The following DMAC1 variants were observed in gnomAD, a reference collection of about 807,000 sequenced individuals.
DMAC1 encodes the protein distal membrane arm assembly component 1, also known as distal membrane-arm assembly complex protein 1.
DMAC1 carries 10 observed loss-of-function variants against 7.0 expected under a neutral mutation model. The ratio of observed to expected loss-of-function variants is 1.43; its 90% CI spans 0.88 to 2.43. The LOEUF is 2.43. Ranked by LOEUF, DMAC1 falls within the 30% of genes most tolerant of loss-of-function variation. DMAC1 has a pLI of 0.00. For missense variants in DMAC1, 219 were observed against 158.7 expected, an observed-to-expected ratio of 1.38 and a Z score of -2.04; for synonymous variants, 92 against 66.2, an observed-to-expected ratio of 1.39 and a Z score of -1.90.
rs747182250 is a variant in DMAC1 at position 7,799,746 on chromosome 9, C to A, written c.-12G>T. 4.7e-5 allele frequency: 71 copies of A among 1,508,330 alleles called. No homozygotes were observed. In the East Asian group the frequency reaches 1.5e-3, roughly 33 times the overall value. 93.4% of individuals were successfully genotyped at this position (1,508,330 alleles called of 1,614,324 possible). On this transcript the variant is annotated 5_prime_UTR_variant, in exon 1 of 2. Coordinates refer to ENST00000358227, the MANE Select transcript of DMAC1 (RefSeq NM_033428.3). Reference sequence around the variant, plus strand: ...AACCGAGACCCCATGCTCTGGAACTCGGCCTCAACCTTGGGCGTCTTTGGT... The same window carrying A: ...AACCGAGACCCCATGCTCTGGAACTAGGCCTCAACCTTGGGCGTCTTTGGT...
Position 7,799,704 on chromosome 9 carries a change from A to T in DMAC1, c.31T>A (p.Ser11Thr), listed in dbSNP as rs748387426. The T allele has an allele frequency of 1.3e-6, 2 of 1,572,458 alleles. No homozygotes were observed. Among genetic ancestry groups the T allele is most frequent in the Non-Finnish European group, 1.7e-6 (2 of 1,163,166 alleles). The change falls in exon 1 of 2, where the codon TCC becomes ACC. Residue 11 changes from serine to threonine, a missense_variant. Transcript: ENST00000358227. ...GTACCGGGAGGCGCAGTGATATAGG[A>T]CTCAAAAGGCTGGGACAACCGAGAC... The part of the protein sequence containing the change: MGSRLSQPFE[S>T]YITAPPGTAA...
Position 7,796,734 on chromosome 9 carries a change from G to A in DMAC1, c.*1839C>T, listed in dbSNP as rs1586896026. 6.6e-6 allele frequency: 1 copy of A among 152,260 alleles called. No homozygotes were observed. The highest frequency in any genetic ancestry group is 2.1e-4 in the South Asian group (1 of 4,822). The allele number at this position is 152,260 out of a possible 1,614,324, so 9.4% of individuals were successfully genotyped here. A position where few individuals can be genotyped will look rare whatever the true frequency, so the allele number is the denominator to read the frequency against. On this transcript the variant is annotated 3_prime_UTR_variant, in exon 2 of 2. Coordinates refer to ENST00000358227, the MANE Select transcript of DMAC1 (RefSeq NM_033428.3). ...AGATGAGGATGAAGACCTTTAGGAT[G>A]ATTCACTTCTACCTAACGAATAGTG...
Position 7,799,762 on chromosome 9 carries a change from C to A in DMAC1, c.-28G>T. 6.7e-7 allele frequency: 1 copy of A among 1,499,886 alleles called. No homozygotes were observed. The highest frequency in any genetic ancestry group is 8.8e-7 in the Non-Finnish European group (1 of 1,130,424). The allele number at this position is 1,499,886 out of a possible 1,614,324, so 92.9% of individuals were successfully genotyped here. A position where few individuals can be genotyped will look rare whatever the true frequency, so the allele number is the denominator to read the frequency against. ...TCTGGAACTCGGCCTCAACCTTGGG[C>A]GTCTTTGGTTCAAACTGGCGTAAAC... On this transcript the variant is annotated 5_prime_UTR_variant, in exon 1 of 2. Coordinates refer to ENST00000358227, the MANE Select transcript of DMAC1 (RefSeq NM_033428.3).
At position 7,799,667 on chromosome 9, in the gene DMAC1, G is replaced by A. The variant is rs1586898965; in HGVS notation, c.68C>T (p.Pro23Leu). Residue 23 changes from proline (P) to leucine (L), a missense_variant, in exon 1 of 2, where the codon CCC becomes CTC. By Grantham distance (98) the Pro-to-Leu change is moderately conservative (BLOSUM62 -3). Coordinates refer to ENST00000358227, the MANE Select transcript of DMAC1 (RefSeq NM_033428.3). ...TGTAGCTGGGGGCGCAGGTTTGGCG[G>A]GCGCGGCGGCGGTACCGGGAGGCGC... Reference protein sequence around the residue: ...ITAPPGTAAAPAKPAPPATPG... With the variant: ...ITAPPGTAAALAKPAPPATPG... 2 of 1,607,264 alleles carry A rather than the reference G, an allele frequency of 1.2e-6. No homozygotes were observed. The highest frequency in any genetic ancestry group is 1.7e-6 in the Non-Finnish European group (2 of 1,178,024).
Position 7,797,651 on chromosome 9 carries a change from A to T in DMAC1, c.*922T>A, listed in dbSNP as rs1040033010. 6.6e-6 allele frequency: 1 copy of T among 152,242 alleles called. No homozygotes were observed. Among genetic ancestry groups the T allele is most frequent in the African/African-American group, 2.4e-5 (1 of 41,470 alleles). 9.4% of individuals were successfully genotyped at this position (152,242 alleles called of 1,614,324 possible). A position where few individuals can be genotyped will look rare whatever the true frequency, so the allele number is the denominator to read the frequency against. ...ATGTAATTTTGAGTACTTATCTCAA[A>T]ATCATCACAGAAACATATCTAGTGC... On this transcript the variant is annotated 3_prime_UTR_variant, in exon 2 of 2. Transcript: ENST00000358227.
In DMAC1 at chr9:7,798,555, G is replaced by A; in HGVS notation, c.*18C>T. 1.2e-6 allele frequency: 2 copies of A among 1,613,780 alleles called. No individual in the cohort carries two copies. Among genetic ancestry groups the A allele is most frequent in the Non-Finnish European group, 1.7e-6 (2 of 1,179,680 alleles). The stretch of plus-strand genomic sequence containing the variant: ...GGGAAAGGGACAGAGACAGAAGACA[G>A]ATTCACTGGTGGTACTTTCAAACAA... On this transcript the variant is annotated 3_prime_UTR_variant, in exon 2 of 2. Transcript: ENST00000358227.
Position 7,799,544 on chromosome 9 carries a change from T to C in DMAC1, c.191A>G (p.Tyr64Cys). The change falls in exon 1 of 2, where the codon TAC becomes TGC. Residue 64 changes from tyrosine (Y) to cysteine (C), a missense_variant. Tyr to Cys is a radical substitution (Grantham distance 194, BLOSUM62 -2). Transcript: ENST00000358227. ...GGGCTTCCGTGCCACCCAGTACACG[T>C]ACCCGCCCGCCCCCATCAGCCCCAA... ...SGLGLMGAGG[Y>C]VYWVARKPMK... 6.2e-7 allele frequency: 1 copy of C among 1,613,696 alleles called. No homozygotes were observed. The highest frequency in any genetic ancestry group is 8.5e-7 in the Non-Finnish European group (1 of 1,180,004).
At position 7,799,597 on chromosome 9, in the gene DMAC1, G is replaced by A. The variant is rs1345896951; in HGVS notation, c.138C>T (p.Thr46=). 1.2e-6 allele frequency: 2 copies of A among 1,613,638 alleles called. No homozygotes were observed. The highest frequency in any genetic ancestry group is 1.7e-6 in the Non-Finnish European group (2 of 1,179,996). ...TSPAEHRLLK[T]CWSCRVLSGL... Reference sequence around the variant, plus strand: ...CAGAAAGCACGCGACAGCTCCAGCAGGTCTTCAACAGGCGGTGTTCTGCTG... The same window carrying A: ...CAGAAAGCACGCGACAGCTCCAGCAAGTCTTCAACAGGCGGTGTTCTGCTG... The change falls in exon 1 of 2, where the codon ACC becomes ACT. Residue 46 remains threonine (T), a synonymous_variant. Transcript: ENST00000358227.
rs1189015243 is a variant in DMAC1 at position 7,799,670 on chromosome 9, G to A, written c.65C>T (p.Ala22Val). ...YITAPPGTAAAPAKPAPPATP... is the reference protein window; with the variant it reads ...YITAPPGTAAVPAKPAPPATP... ...AGCTGGGGGCGCAGGTTTGGCGGGC[G>A]CGGCGGCGGTACCGGGAGGCGCAGT... The change falls in exon 1 of 2, where the codon GCG becomes GTG. Residue 22 changes from alanine to valine, a missense_variant. Physicochemically the swap from Ala to Val is moderately conservative, Grantham distance 64. Coordinates refer to ENST00000358227, the MANE Select transcript of DMAC1 (RefSeq NM_033428.3). 1 of 1,606,880 alleles carries A rather than the reference G, an allele frequency of 6.2e-7. No homozygotes were observed. The highest frequency in any genetic ancestry group is 2.2e-5 in the East Asian group (1 of 44,822).
chr9:7,798,589 G>A lies in DMAC1; in HGVS notation c.323C>T (p.Ala108Val), dbSNP rs748659187. The A allele has an allele frequency of 1.2e-6, 2 of 1,612,276 alleles. No individual in the cohort carries two copies. The highest frequency in any genetic ancestry group is 1.1e-5 in the South Asian group (1 of 90,890). The change falls in exon 2 of 2, where the codon GCC becomes GTC. Residue 108 changes from alanine to valine, a missense_variant. Coordinates refer to ENST00000358227, the MANE Select transcript of DMAC1 (RefSeq NM_033428.3). ...GTGGTACTTTCAAACAACGCGGTAG[G>A]CCTTCCCTTTGGGGTCTGCCATGAC... is the stretch of plus-strand genomic sequence containing the variant. The part of the protein sequence containing the change: ...IVVMADPKGK[A>V]YRVV
chr9:7,799,639 G>A lies in DMAC1; in HGVS notation c.96C>T (p.Pro32=), dbSNP rs1408271543. 3.7e-6 allele frequency: 6 copies of A among 1,612,400 alleles called. No individual in the cohort carries two copies. Among genetic ancestry groups the A allele is most frequent in the South Asian group, 1.1e-5 (1 of 90,958 alleles). The change falls in exon 1 of 2, where the codon CCC becomes CCT. Residue 32 remains proline, a synonymous_variant. Coordinates refer to ENST00000358227, the MANE Select transcript of DMAC1 (RefSeq NM_033428.3). ...APAKPAPPAT[P]GAPTSPAEHR... is the part of the protein sequence containing the mutation. ...GTTCTGCTGGGGAGGTCGGCGCTCC[G>A]GGTGTAGCTGGGGGCGCAGGTTTGG...
In DMAC1 at chr9:7,797,242, C is replaced by T. The variant is rs1446947182; in HGVS notation, c.*1331G>A. 6.6e-6 allele frequency: 1 copy of T among 152,192 alleles called. No individual in the cohort carries two copies. Among genetic ancestry groups the T allele is most frequent in the Non-Finnish European group, 1.5e-5 (1 of 68,038 alleles). 9.4% of individuals were successfully genotyped at this position (152,192 alleles called of 1,614,324 possible). ...AACTTAAAACTTCTCTATTCATGAA[C>T]ATAGCATAACTGAGCTATGGATTTC... On this transcript the variant is annotated 3_prime_UTR_variant, in exon 2 of 2. Transcript: ENST00000358227.
intron 1 of DMAC1, among the ~76,000 whole-genome samples, chr9:7,799,244 G>A (rs1029946557): frequency 6.6e-5 from 10 of 151,296 alleles, no homozygotes; most frequent in Non-Finnish European, 1.3e-4. Context: ...AAAGGGCTGA[G>A]TCTAATAAGG....
rs1818605591 is a variant in DMAC1, at chr9:7,796,635, T to G, written c.*1938A>C. Reference sequence around the variant, plus strand: ...TTTGAACTGCGCAGGTCCACGTATCTGTGGATTTTCTTCCACCTCTGCCAC... The same window carrying G: ...TTTGAACTGCGCAGGTCCACGTATCGGTGGATTTTCTTCCACCTCTGCCAC... On this transcript the variant is annotated 3_prime_UTR_variant, in exon 2 of 2. Coordinates refer to ENST00000358227, the MANE Select transcript of DMAC1 (RefSeq NM_033428.3). The G allele has an allele frequency of 6.6e-6, 1 of 152,228 alleles. No homozygotes were observed. Among genetic ancestry groups the G allele is most frequent in the Non-Finnish European group, 1.5e-5 (1 of 68,044 alleles). The allele number at this position is 152,228 out of a possible 1,614,324, so 9.4% of individuals were successfully genotyped here.
At position 7,799,497 on chromosome 9, in the gene DMAC1, T is replaced by G. The variant is rs150360931; in HGVS notation, c.238A>C (p.Ser80Arg). The G allele has an allele frequency of 2.4e-5, 38 of 1,613,090 alleles. No homozygotes were observed. Among genetic ancestry groups the G allele is most frequent in the African/African-American group, 1.6e-4 (12 of 74,836 alleles). The change falls in exon 1 of 2, where the codon AGT becomes CGT. Residue 80 changes from serine (S) to arginine (R), a missense_variant. Physicochemically the swap from Ser to Arg is moderately radical, Grantham distance 110 (BLOSUM62 -1). Coordinates refer to ENST00000358227, the MANE Select transcript of DMAC1 (RefSeq NM_033428.3). ...ACCATCTGCGTAATGGTCCATGGAC[T>G]CGGGGGGTATCCCATCTTCATGGGC... ...RKPMKMGYPP[S>R]PWTITQMVIG...
chr9:7,799,656 C>G lies in DMAC1; in HGVS notation c.79G>C (p.Ala27Pro), dbSNP rs772052546. The G allele has an allele frequency of 6.2e-7, 1 of 1,610,584 alleles. No homozygotes were observed. Among genetic ancestry groups the G allele is most frequent in the Non-Finnish European group, 8.5e-7 (1 of 1,179,086 alleles). ...GGCGCTCCGGGTGTAGCTGGGGGCG[C>G]AGGTTTGGCGGGCGCGGCGGCGGTA... ...PGTAAAPAKPAPPATPGAPTS... is the reference protein window; with the variant it reads ...PGTAAAPAKPPPPATPGAPTS... The change falls in exon 1 of 2, where the codon GCG becomes CCG. Residue 27 changes from alanine to proline, a missense_variant. By Grantham distance (27) the Ala-to-Pro change is conservative. Coordinates refer to ENST00000358227, the MANE Select transcript of DMAC1 (RefSeq NM_033428.3).
chr9:7,798,841 A>C (rs1818675159), intron 1 of DMAC1, among the ~76,000 whole-genome samples: 1 of 152,220 alleles, frequency 6.6e-6, no homozygotes, highest in African/African-American at 2.4e-5. Flanking sequence ...TTACCTATAC[A>C]GGATCAAGAA....
chr9:7,798,643 A>G lies in DMAC1; in HGVS notation c.275-6T>C. 1 of 1,558,494 alleles carries G rather than the reference A, an allele frequency of 6.4e-7. No homozygotes were observed. Among genetic ancestry groups the G allele is most frequent in the African/African-American group, 1.4e-5 (1 of 73,472 alleles). On this transcript the variant is annotated splice_polypyrimidine_tract_variant and splice_region_variant and intron_variant, in intron 1 of 1. Transcript: ENST00000358227. The stretch of plus-strand genomic sequence containing the variant: ...GATACCCCAGGTGGCAATGCCTAGA[A>G]AAAAAACAACAATACCTTACCTTTA...
In DMAC1 at chr9:7,798,257, CTAT is replaced by C. The variant is rs1258959891; in HGVS notation, c.*313_*315del. 12 of 232,628 alleles carry C rather than the reference CTAT, an allele frequency of 5.2e-5. No individual in the cohort carries two copies. The highest frequency in any genetic ancestry group is 1.8e-4 in the African/African-American group (8 of 44,892). The allele number at this position is 232,628 out of a possible 1,614,324, so 14.4% of individuals were successfully genotyped here. ...ATGACATGCAATTATATAAGACATA[CTAT>C]TATGTTTATATATAATGCTTAATTA... is the stretch of plus-strand genomic sequence containing the variant. On this transcript the variant is annotated 3_prime_UTR_variant, in exon 2 of 2. Coordinates refer to ENST00000358227, the MANE Select transcript of DMAC1 (RefSeq NM_033428.3).
Sources: gnomAD v4.1 joint callset for allele counts (sites outside exome capture counted in the v4.1 genomes callset) on GRCh38, gnomAD v4.1.1 for gene constraint, MANE v1.5 for transcripts, NCBI Gene and HGNC (gene_info 2026-07-23, HGNC 2026-07-21) for gene names.